Variants in TRIM66 observed in about 807,000 individuals in gnomAD.
TRIM66 encodes the protein tripartite motif containing 66, also known as tripartite motif-containing protein 66.
A neutral mutation model predicts 148.2 loss-of-function variants in TRIM66; 99 were observed. The ratio of observed to expected loss-of-function variants is 0.67; its 90% confidence interval spans 0.57 to 0.79. TRIM66 has a LOEUF of 0.79. Among genes scored for constraint, TRIM66 ranks in the 30% least tolerant of loss-of-function variants. The pLI, the probability that TRIM66 is intolerant of heterozygous loss-of-function variation, is 0.00. For missense variants in TRIM66, 1,666 were observed against 1,697.9 expected, an observed-to-expected ratio of 0.98 and a Z score of 0.33; for synonymous variants, 616 against 635.9, an observed-to-expected ratio of 0.97 and a Z score of 0.47.
chr11:8,656,741 C>T lies in TRIM66; in HGVS notation c.341-4838G>A, dbSNP rs150916594. Among the ~76,000 whole-genome samples, 194 of 152,348 alleles carry T rather than the reference C, an allele frequency of 1.3e-3. 2 individuals carry two copies. Among genetic ancestry groups the T allele is most frequent in the African/African-American group, 3.2e-3 (132 of 41,584 alleles). On this transcript the variant is annotated intron_variant, in intron 6 of 24. Coordinates refer to ENST00000646038, the MANE Select transcript of TRIM66 (RefSeq NM_001388022.1). Reference sequence around the variant, plus strand: ...GAGAGAGCATCCCCTTCCCCTGTGGCTGAGCCTGATAGCTGTCTCCTGTAT... The same window carrying T: ...GAGAGAGCATCCCCTTCCCCTGTGGTTGAGCCTGATAGCTGTCTCCTGTAT...
At chr11:8,647,915 T>A in intron 10 of TRIM66, 55 bp downstream of exon 10, 1 of 1,392,274 alleles carries the variant, frequency 7.2e-7, no homozygotes, top group Non-Finnish European at 1.0e-6. Context: ...GTTGGAACCC[T>A]GGGTGTGCGG....
At chr11:8,619,819 TA>T (rs2034031587) in intron 22 of TRIM66, among the ~76,000 whole-genome samples, 1 of 152,120 alleles carries the variant, frequency 6.6e-6, no homozygotes, top group Admixed American at 6.5e-5. Flanking sequence ...ATCCATAAGT[TA>T]ATATTGTCAC....
rs77335324 is a variant in TRIM66, at chr11:8,644,221, C to T, written c.1105-1095G>A. The T allele has an allele frequency of 8.0e-3, 2,601 of 326,614 alleles. 70 individuals carry two copies. Among genetic ancestry groups the T allele is most frequent in the African/African-American group, 0.053 (2,404 of 45,728 alleles). 20.2% of individuals were successfully genotyped at this position (326,614 alleles called of 1,614,324 possible). A position where few individuals can be genotyped will look rare whatever the true frequency, so the allele number is the denominator to read the frequency against. On this transcript the variant is annotated intron_variant, in intron 12 of 24. Transcript: ENST00000646038. ...ACTAGTGTCCTAATTCCCTCCCCAT[C>T]GCCAACTCCTACTCTTAGGTAATCC...
At chr11:8,657,206 T>C (rs1041868270) in intron 6 of TRIM66, among the ~76,000 whole-genome samples, 2 of 152,158 alleles carry the variant, frequency 1.3e-5, no homozygotes, top group Non-Finnish European at 2.9e-5. Flanking sequence ...GGCCACCAAG[T>C]GAGGACACAC....
At chr11:8,669,162 T>C (rs1355918027) in intron 6 of TRIM66, among the ~76,000 whole-genome samples, 2 of 152,154 alleles carry the variant, frequency 1.3e-5, no homozygotes, top group African/African-American at 4.8e-5. Flanking sequence ...TATCATTTGG[T>C]CCAAAGCATA....
chr11:8,641,833 T>C (rs1276946416), intron 13 of TRIM66, among the ~76,000 whole-genome samples: 1 of 152,056 alleles, frequency 6.6e-6, no homozygotes, highest in Admixed American at 6.6e-5. Flanking sequence ...TTCTTTAAAG[T>C]GTGTAACACC....
rs1235077043 is a variant in TRIM66, at chr11:8,621,829, G to C, written c.3081-10C>G. On this transcript the variant is annotated splice_polypyrimidine_tract_variant and intron_variant, in intron 18 of 24. Coordinates refer to ENST00000646038, the MANE Select transcript of TRIM66 (RefSeq NM_001388022.1). ...CTCACTATTGAAGGCTCTGCAGCAAGACAGACACCCCGGGGTCTTGGTGGG... is the reference window on the plus strand; with the variant it reads ...CTCACTATTGAAGGCTCTGCAGCAACACAGACACCCCGGGGTCTTGGTGGG... 1.3e-6 allele frequency: 2 copies of C among 1,531,630 alleles called. No homozygotes were observed. Among genetic ancestry groups the C allele is most frequent in the East Asian group, 2.5e-5 (1 of 40,442 alleles). 94.9% of individuals were successfully genotyped at this position (1,531,630 alleles called of 1,614,324 possible).
chr11:8,631,463 A>G (rs370136448), intron 15 of TRIM66, among the ~76,000 whole-genome samples: 3 of 152,210 alleles, frequency 2.0e-5, no homozygotes, highest in African/African-American at 7.2e-5. Context: ...AACACTTTAC[A>G]CACTCTTCTG....
Position 8,640,508 on chromosome 11 carries a change from G to T in TRIM66, c.1867C>A (p.Pro623Thr), listed in dbSNP as rs776201663. ...PPPLPPPPQQ[P>T]HPPLPPSQHL... Reference sequence around the variant, plus strand: ...TGGGATGGAGGAAGAGGTGGGTGTGGCTGCTGTGGGGGAGGGGGAAGGGGA... The same window carrying T: ...TGGGATGGAGGAAGAGGTGGGTGTGTCTGCTGTGGGGGAGGGGGAAGGGGA... The change falls in exon 14 of 25, where the codon CCA (proline) becomes ACA (threonine). Residue 623 changes from proline (P) to threonine (T), a missense_variant. Coordinates refer to ENST00000646038, the MANE Select transcript of TRIM66 (RefSeq NM_001388022.1). 5 of 1,542,120 alleles carry T rather than the reference G, an allele frequency of 3.2e-6. No individual in the cohort carries two copies. The highest frequency in any genetic ancestry group is 4.4e-6 in the Non-Finnish European group (5 of 1,144,264).
In TRIM66 at chr11:8,671,885, G is replaced by T; in HGVS notation, c.241C>A (p.His81Asn). Residue 81 changes from histidine to asparagine, a missense_variant, in exon 6 of 25, where the codon CAT (histidine) becomes AAT (asparagine). Around this residue, in one of 3 missense-constraint regions of TRIM66, gnomAD observed 1,431 missense variants for 1,412.4 expected, o/e 1.01. Coordinates refer to ENST00000646038, the MANE Select transcript of TRIM66 (RefSeq NM_001388022.1). The part of the protein sequence containing the change: ...CHQDLPGMGS[H>N]LLSCQHLLRK... ...AGCAAATGCTGGCAGGATAGGAGATGAGAGCCCATACCTGGCAGGTCCTGA... is the reference window on the plus strand; with the variant it reads ...AGCAAATGCTGGCAGGATAGGAGATTAGAGCCCATACCTGGCAGGTCCTGA... 1 of 1,536,120 alleles carries T rather than the reference G, an allele frequency of 6.5e-7. No individual in the cohort carries two copies. The highest frequency in any genetic ancestry group is 1.2e-5 in the South Asian group (1 of 84,052).
Position 8,624,908 on chromosome 11 carries a change from G to T in TRIM66, c.2631C>A (p.His877Gln), listed in dbSNP as rs1293205268. Residue 877 changes from histidine to glutamine, a missense_variant, in exon 16 of 25, where the codon CAC (histidine) becomes CAA (glutamine). Physicochemically the swap from His to Gln is conservative, Grantham distance 24. Around this residue, in one of 3 missense-constraint regions of TRIM66, gnomAD observed 1,431 missense variants for 1,412.4 expected, o/e 1.01. Transcript: ENST00000646038. ...ACATTAGGCTGGGCCCAGCCTGAGGGTGATCACTTGCCAGGCTTGCCATAG... is the reference window on the plus strand; with the variant it reads ...ACATTAGGCTGGGCCCAGCCTGAGGTTGATCACTTGCCAGGCTTGCCATAG... ...PQAMASLASD[H>Q]PQAGPSLMSG... The T allele has an allele frequency of 1.3e-6, 2 of 1,551,560 alleles. No homozygotes were observed. Among genetic ancestry groups the T allele is most frequent in the Admixed American group, 2.0e-5 (1 of 50,984 alleles).
At chr11:8,619,208 T>C in intron 23 of TRIM66, 175 bp downstream of exon 23, 1 of 811,802 alleles carries the variant, frequency 1.2e-6, no homozygotes. Context: ...CCTGAGTCCA[T>C]GCTAAGGCCT....
chr11:8,661,659 C>T (rs763598194), intron 6 of TRIM66, among the ~76,000 whole-genome samples: 1 of 152,170 alleles, frequency 6.6e-6, no homozygotes, highest in Non-Finnish European at 1.5e-5. Flanking sequence ...TTTTTCCTGG[C>T]TCTGCAAGTG....
At chr11:8,628,636 A>AAAAAAAAAAAAAAAAAAAAGAGAGAGAG (rs1555042270) in intron 15 of TRIM66, among the ~76,000 whole-genome samples, 1 of 93,340 alleles carries the variant, frequency 1.1e-5, no homozygotes, top group African/African-American at 3.5e-5. Context: ...AAAAAAAAAA[A>AAAAAAAAAAAAAAAAAAAAGAGAGAGAG]AGAGAGAGAA....
intron 6 of TRIM66, among the ~76,000 whole-genome samples, chr11:8,670,184 T>C (rs1375967053): frequency 6.6e-6 from 1 of 152,074 alleles, no homozygotes; most frequent in Non-Finnish European, 1.5e-5. Flanking sequence ...GGCTAATTTT[T>C]GTATTTTTAG....
intron 1 of TRIM66, chr11:8,680,767 GAAAA>G (rs2039375942): frequency 6.6e-6 from 1 of 152,284 alleles, no homozygotes; most frequent in Admixed American, 6.5e-5. Flanking sequence ...CATGTACTGT[GAAAA>G]GATAAGGACA....
rs564299765 is a variant in TRIM66 at position 8,649,546 on chromosome 11, C to T, written c.592+194G>A. Among the ~76,000 whole-genome samples the T allele has an allele frequency of 4.6e-5, 7 of 152,318 alleles. No homozygotes were observed. The South Asian group carries it at 1.2e-3, about 27-fold the overall frequency. Reference sequence around the variant, plus strand: ...CATTTCATCCACACTCATCCACCCCCACCATCAACAGGGAGGGACGAGAGT... The same window carrying T: ...CATTTCATCCACACTCATCCACCCCTACCATCAACAGGGAGGGACGAGAGT... On this transcript the variant is annotated intron_variant, in intron 8 of 24. Transcript: ENST00000646038.
In TRIM66 at chr11:8,612,943, C is replaced by T. The variant is rs2033486788; in HGVS notation, c.*5001G>A. 6.6e-6 allele frequency: 1 copy of T among 152,272 alleles called. No homozygotes were observed. The highest frequency in any genetic ancestry group is 2.4e-5 in the African/African-American group (1 of 41,436). 9.4% of individuals were successfully genotyped at this position (152,272 alleles called of 1,614,324 possible). A position where few individuals can be genotyped will look rare whatever the true frequency, so the allele number is the denominator to read the frequency against. On this transcript the variant is annotated 3_prime_UTR_variant, in exon 25 of 25. Transcript: ENST00000646038. ...GGCCTGGATGCTGTAAAACCTAATC[C>T]ACACCCTTGGGCTGACTTAGATGGG...
Position 8,681,761 on chromosome 11 carries a change from T to C in TRIM66, c.-548+840A>G, listed in dbSNP as rs537950263. Among the ~76,000 whole-genome samples, 18 of 152,154 alleles carry C rather than the reference T, an allele frequency of 1.2e-4. No homozygotes were observed. The South Asian group carries it at 3.7e-3, about 32-fold the overall frequency. ...CCTTGACCACATAAGGAATTAGGTC[T>C]AGTAGGGAAGACAAACGTAGGTCAA... On this transcript the variant is annotated intron_variant, in intron 1 of 24. Coordinates refer to ENST00000646038, the MANE Select transcript of TRIM66 (RefSeq NM_001388022.1).
Sources: allele counts gnomAD v4.1 joint callset (sites outside exome capture counted in the v4.1 genomes callset), GRCh38; gene constraint gnomAD v4.1.1; regional missense constraint gnomAD v4.1.1; transcripts MANE v1.5; gene names NCBI Gene and HGNC (gene_info 2026-07-23, HGNC 2026-07-21).